DPRX: variants seen among roughly 807,000 people sequenced by gnomAD.
DPRX encodes the protein divergent-paired related homeobox.
A neutral mutation model predicts 8.4 loss-of-function variants in DPRX; 11 were observed. The ratio of observed to expected loss-of-function variants is 1.31; its 90% CI spans 0.82 to 2.17. The LOEUF (loss-of-function observed/expected upper bound fraction) is 2.17, where lower values mean the gene tolerates loss of function less well. Among genes scored for constraint, DPRX ranks in the 30% most tolerant of loss-of-function variants. The pLI is 0.00. For synonymous variants in DPRX, 72 were observed against 87.0 expected (o/e 0.83, Z 0.96); for missense variants, 211 against 236.7 (o/e 0.89, Z 0.71).
At chr19:53,602,105 A>G in the DPRX span, 1 of 456,732 alleles carries the variant, frequency 2.2e-6, no homozygotes, top group Admixed American at 2.3e-5. Context: ...TCAGCTCTCC[A>G]GAGAACAGGC....
chr19:53,610,031 A>G, the DPRX span, among the ~76,000 whole-genome samples: 93 of 150,526 alleles, frequency 6.2e-4, no homozygotes, highest in African/African-American at 2.1e-3. Context: ...CACACCTGTA[A>G]TCCCAGCTAC....
intron 1 of DPRX, among the ~76,000 whole-genome samples, chr19:53,632,589 G>A (rs966077746): frequency 3.3e-5 from 5 of 151,716 alleles, no homozygotes; most frequent in Non-Finnish European, 7.4e-5. Flanking sequence ...GGTGACAGGC[G>A]TGAGCCACTG....
At chr19:53,625,410 C>T in the DPRX span, among the ~76,000 whole-genome samples, 1 of 152,082 alleles carries the variant, frequency 6.6e-6, no homozygotes, top group Admixed American at 6.6e-5. Flanking sequence ...TCATGAGAGA[C>T]AGCTCATGCT....
the DPRX span, among the ~76,000 whole-genome samples, chr19:53,601,767 C>A: frequency 2.6e-5 from 4 of 152,242 alleles, no homozygotes; most frequent in African/African-American, 7.2e-5. Flanking sequence ...CAGGTGTGAG[C>A]CACCTCACCT....
chr19:53,613,310 A>T, the DPRX span, among the ~76,000 whole-genome samples: 1 of 152,020 alleles, frequency 6.6e-6, no homozygotes, highest in South Asian at 2.1e-4. Context: ...GGGGTCCAAG[A>T]GGAGGGGGGA....
At chr19:53,621,572 G>A in the DPRX span, among the ~76,000 whole-genome samples, 1,532 of 152,202 alleles carry the variant, frequency 0.01, 21 homozygotes, top group African/African-American at 0.035. Flanking sequence ...GAGGCAGACT[G>A]ATCACTTTAG....
chr19:53,614,909 C>T, the DPRX span, among the ~76,000 whole-genome samples: 2 of 151,694 alleles, frequency 1.3e-5, no homozygotes, highest in African/African-American at 4.8e-5. Flanking sequence ...CTCTTGAGCC[C>T]AGGAGTTTCA....
upstream of DPRX, among the ~76,000 whole-genome samples, chr19:53,631,048 T>C (rs1448024998): frequency 1.3e-5 from 2 of 151,774 alleles, no homozygotes; most frequent in African/African-American, 4.8e-5. Flanking sequence ...GGTTTCGCCA[T>C]GTTGGCCAGG....
chr19:53,622,634 G>A, the DPRX span, among the ~76,000 whole-genome samples: 4 of 152,066 alleles, frequency 2.6e-5, no homozygotes, highest in African/African-American at 7.2e-5. Flanking sequence ...CATAATGCTC[G>A]TGGTTGATTA....
the DPRX span, among the ~76,000 whole-genome samples, chr19:53,625,020 T>C: frequency 6.6e-6 from 1 of 150,786 alleles, no homozygotes; most frequent in East Asian, 2.0e-4. Flanking sequence ...TAGTCAGTCA[T>C]TCCCCTTAAA....
chr19:53,623,638 C>CA, the DPRX span, among the ~76,000 whole-genome samples: 562 of 143,106 alleles, frequency 3.9e-3, 2 homozygotes, highest in South Asian at 0.019. Context: ...AACTCCATCT[C>CA]AAAAAAAACA....
At chr19:53,602,274 GTGT>G in the DPRX span, 4 of 152,322 alleles carry the variant, frequency 2.6e-5, no homozygotes, top group Non-Finnish European at 5.2e-5. Context: ...ATGGGTGTGT[GTGT>G]GTGTGTGTGT....
At chr19:53,618,581 G>T in the DPRX span, among the ~76,000 whole-genome samples, 1 of 137,976 alleles carries the variant, frequency 7.2e-6, no homozygotes, top group Non-Finnish European at 1.5e-5. Flanking sequence ...GGAGTTGGGA[G>T]ACCAGTCTGG....
the DPRX span, among the ~76,000 whole-genome samples, chr19:53,623,780 G>A: frequency 2.0e-5 from 3 of 151,602 alleles, no homozygotes; most frequent in Non-Finnish European, 2.9e-5. Context: ...GTGAAACCCC[G>A]TCTCTACTAA....
At chr19:53,626,235 G>T in the DPRX span, among the ~76,000 whole-genome samples, 2 of 151,602 alleles carry the variant, frequency 1.3e-5, no homozygotes, top group Non-Finnish European at 2.9e-5. Context: ...ACCGTGACTG[G>T]CCCCAGCTAA....
At chr19:53,601,352 G>A in the DPRX span, 5 of 456,620 alleles carry the variant, frequency 1.1e-5, no homozygotes, top group Admixed American at 2.4e-5. Context: ...CTGACCAGAG[G>A]AGAACAGGCA....
At chr19:53,618,008 G>A in the DPRX span, among the ~76,000 whole-genome samples, 1 of 151,700 alleles carries the variant, frequency 6.6e-6, no homozygotes. Context: ...CGTGGTGGTG[G>A]CGGGGCACCT....
At chr19:53,621,157 A>C in the DPRX span, among the ~76,000 whole-genome samples, 2 of 152,000 alleles carry the variant, frequency 1.3e-5, no homozygotes, top group South Asian at 4.2e-4. Context: ...TTCAGATACA[A>C]GGTCTCACTG....
At chr19:53,603,003 A>ATGTGTGTGTG in the DPRX span, among the ~76,000 whole-genome samples, 11 of 147,930 alleles carry the variant, frequency 7.4e-5, no homozygotes, top group African/African-American at 2.7e-4. Flanking sequence ...GTGTATATGT[A>ATGTGTGTGTG]TGTGTGTGTG....
Sources: allele counts gnomAD v4.1 joint callset (sites outside exome capture counted in the v4.1 genomes callset), GRCh38; gene constraint gnomAD v4.1.1; transcripts MANE v1.5; gene names NCBI Gene and HGNC (gene_info 2026-07-23, HGNC 2026-07-21).